PITRM1: variants seen among roughly 807,000 people sequenced by gnomAD.
The protein encoded by PITRM1 is pitrilysin metallopeptidase 1, also known as presequence protease, mitochondrial.
In PITRM1, 100 loss-of-function variants were observed where a neutral mutation model predicts 129.9. The ratio of observed to expected loss-of-function variants is 0.77; its 90% CI spans 0.65 to 0.91. The LOEUF (loss-of-function observed/expected upper bound fraction) is 0.91. PITRM1 is among the 40% of genes least tolerant of loss of function. The pLI, the probability that PITRM1 is intolerant of heterozygous loss-of-function variation, is 0.00. For missense variants in PITRM1, 1,471 were observed against 1,318.3 expected, an observed-to-expected ratio of 1.12 and a Z score of -1.79; for synonymous variants, 591 against 508.8, an observed-to-expected ratio of 1.16 and a Z score of -2.17.
Position 3,155,721 on chromosome 10 carries a change from C to G in PITRM1, c.1491G>C (p.Gln497His), listed in dbSNP as rs1375464261. ...GCCTCATCGATAAAGTCAGCTTATG[C>G]TGGTTATTCTGCAGCAATCACAGCA... ...EKVKQYFKNN[Q>H]HKLTLSMRPD... The change falls in exon 14 of 27, where the codon CAG becomes CAC. Residue 497 changes from glutamine (Q) to histidine (H), a missense_variant. Coordinates refer to ENST00000224949, the MANE Select transcript of PITRM1 (RefSeq NM_014889.4). The G allele has an allele frequency of 1.2e-6, 2 of 1,613,746 alleles. No individual in the cohort carries two copies. The highest frequency in any genetic ancestry group is 1.3e-5 in the African/African-American group (1 of 75,046).
intron 10 of PITRM1, among the ~76,000 whole-genome samples, 188 bp from the exon 11 acceptor site, chr10:3,158,341 A>T (rs577711793): frequency 6.6e-6 from 1 of 152,342 alleles, no homozygotes; most frequent in South Asian, 2.1e-4. Flanking sequence ...ATCATTTTTT[A>T]AAAATAAAAT....
At chr10:3,148,666 CCTTT>C (rs1278978205) in intron 16 of PITRM1, 4 of 173,476 alleles carry the variant, frequency 2.3e-5, no homozygotes, top group African/African-American at 4.7e-5. Flanking sequence ...ATACATACTT[CCTTT>C]GTTTTGCTCG....
chr10:3,159,254 G>A (rs1322630080), intron 9 of PITRM1, among the ~76,000 whole-genome samples: 3 of 152,190 alleles, frequency 2.0e-5, no homozygotes, highest in Admixed American at 6.5e-5. Context: ...CACTGCACAC[G>A]AAATGCTCAC....
intron 3 of PITRM1, 109 bp downstream of exon 3, chr10:3,166,827 C>T: frequency 3.1e-6 from 2 of 639,284 alleles, no homozygotes; most frequent in South Asian, 2.0e-5. Context: ...TTATGCGTGG[C>T]CTAAGACAGT....
intron 14 of PITRM1, among the ~76,000 whole-genome samples, chr10:3,154,888 C>T (rs1841844707): frequency 6.6e-6 from 1 of 152,092 alleles, no homozygotes; most frequent in Non-Finnish European, 1.5e-5. Flanking sequence ...CTTTTCACTC[C>T]CACCATCCTG....
At position 3,149,876 on chromosome 10, in the gene PITRM1, T is replaced by G. The variant is rs1841332330; in HGVS notation, c.1739-123A>C. 4.0e-6 allele frequency: 4 copies of G among 987,898 alleles called. No individual in the cohort carries two copies. In the Admixed American group the frequency reaches 9.2e-5, roughly 23 times the overall value. 61.2% of individuals were successfully genotyped at this position (987,898 alleles called of 1,614,324 possible). A position where few individuals can be genotyped will look rare whatever the true frequency, so the allele number is the denominator to read the frequency against. On this transcript the variant is annotated intron_variant, in intron 15 of 26. Transcript: ENST00000224949. ...TGGAGGTTTAAGACTTATACTAGAG[T>G]TTATATAAATTTCCCAATCATATTT...
At chr10:3,151,127 G>C (rs1466275083) in intron 15 of PITRM1, 120 bp downstream of exon 15, 3 of 667,504 alleles carry the variant, frequency 4.5e-6, no homozygotes, top group African/African-American at 3.7e-5. Flanking sequence ...TGAACGCACA[G>C]GGCTGCTCAA....
chr10:3,158,868 C>A, intron 10 of PITRM1, 46 bp downstream of exon 10: 1 of 1,591,150 alleles, frequency 6.3e-7, no homozygotes, highest in South Asian at 1.1e-5. Flanking sequence ...AGCAAAACTG[C>A]CCCCAACCAA....
chr10:3,156,238 T>C (rs1841976185), intron 13 of PITRM1, among the ~76,000 whole-genome samples: 1 of 152,216 alleles, frequency 6.6e-6, no homozygotes, highest in African/African-American at 2.4e-5. Flanking sequence ...GAACATTAGG[T>C]GATTTCATGT....
At position 3,138,344 on chromosome 10, in the gene PITRM1, G is replaced by GACAA. The variant is rs2131793262; in HGVS notation, c.2918-11_2918-8dup. On this transcript the variant is annotated splice_region_variant and splice_polypyrimidine_tract_variant and intron_variant, in intron 25 of 26. Transcript: ENST00000224949. The stretch of plus-strand genomic sequence containing the variant: ...TACAAGAAGTGGTCCATTCCTAGAA[G>GACAA]ACAATCCACAGGCACGATGGAGCCG... 1 of 1,604,532 alleles carries GACAA rather than the reference G, an allele frequency of 6.2e-7. No homozygotes were observed. Among genetic ancestry groups the GACAA allele is most frequent in the Admixed American group, 1.7e-5 (1 of 60,014 alleles).
chr10:3,150,521 C>A (rs116122531), intron 15 of PITRM1, among the ~76,000 whole-genome samples: 1 of 152,106 alleles, frequency 6.6e-6, no homozygotes, highest in East Asian at 1.9e-4. Context: ...AAATCCCATC[C>A]CCGTCCTCAA....
intron 13 of PITRM1, 137 bp from the exon 14 acceptor site, chr10:3,155,866 G>A (rs898680538): frequency 1.5e-5 from 14 of 958,854 alleles, no homozygotes; most frequent in Middle Eastern, 2.3e-4. Context: ...ATAATAGAAC[G>A]CACCTCAAGA....
chr10:3,140,167 T>C (rs896865430), intron 24 of PITRM1, among the ~76,000 whole-genome samples: 4 of 152,234 alleles, frequency 2.6e-5, no homozygotes, highest in African/African-American at 9.6e-5. Context: ...GTTACGCTGA[T>C]GGGCTACTAT....
intron 14 of PITRM1, among the ~76,000 whole-genome samples, chr10:3,154,741 T>C (rs1389550615): frequency 6.6e-6 from 1 of 152,174 alleles, no homozygotes; most frequent in Non-Finnish European, 1.5e-5. Flanking sequence ...TCAGACACCA[T>C]TTTTGCAAAT....
intron 3 of PITRM1, 136 bp downstream of exon 3, chr10:3,166,800 C>CT: frequency 1.8e-6 from 1 of 563,178 alleles, no homozygotes. Flanking sequence ...ATCAGCTGTC[C>CT]TTAGTGTTAG....
intron 24 of PITRM1, among the ~76,000 whole-genome samples, chr10:3,140,073 G>GT (rs1348766222): frequency 9.9e-5 from 15 of 152,158 alleles, no homozygotes; most frequent in Non-Finnish European, 2.1e-4. Context: ...TGGATACTAT[G>GT]TTTTTTTCCT....
chr10:3,143,931 T>A (rs773757974), intron 22 of PITRM1: 48 of 518,008 alleles, frequency 9.3e-5, no homozygotes, highest in Non-Finnish European at 1.6e-4. Flanking sequence ...GCGGAAAGGA[T>A]CTGTCAGACC....
At chr10:3,168,723 G>A (rs1218163006) in intron 2 of PITRM1, among the ~76,000 whole-genome samples, 2 of 152,160 alleles carry the variant, frequency 1.3e-5, no homozygotes, top group African/African-American at 4.8e-5. Context: ...CACCACGATT[G>A]TGTTTCCTGA....
At position 3,156,967 on chromosome 10, in the gene PITRM1, G is replaced by C. The variant is rs771170704; in HGVS notation, c.1445C>G (p.Pro482Arg). 2.5e-6 allele frequency: 4 copies of C among 1,597,780 alleles called. No individual in the cohort carries two copies. The African/African-American group carries it at 5.4e-5, about 22-fold the overall frequency. Residue 482 changes from proline to arginine, a missense_variant, in exon 13 of 27, where the codon CCA becomes CGA. By Grantham distance (103) the Pro-to-Arg change is moderately radical (BLOSUM62 -2). Transcript: ENST00000224949. The stretch of plus-strand genomic sequence containing the variant: ...TTTTACTTTTTCTTGCAAAAATTTT[G>C]GATTTTCCTGCAGGCACTGTCTGAA... Reference protein sequence around the residue: ...AKFRQCLQENPKFLQEKVKQY... With the variant: ...AKFRQCLQENRKFLQEKVKQY...
Sources: allele counts gnomAD v4.1 joint callset (sites outside exome capture counted in the v4.1 genomes callset), GRCh38; gene constraint gnomAD v4.1.1; transcripts MANE v1.5; gene names NCBI Gene and HGNC (gene_info 2026-07-23, HGNC 2026-07-21).